Variants in SAMD7 observed in about 807,000 individuals in gnomAD.
SAMD7 encodes sterile alpha motif domain-containing protein 7.
A neutral mutation model predicts 36.7 loss-of-function variants in SAMD7; 34 were observed. The observed-to-expected ratio is 0.93, with a 90% CI of 0.71 to 1.23. The LOEUF is 1.23. Ranked by LOEUF, SAMD7 falls within the 50% of genes most tolerant of loss-of-function variation. SAMD7 has a pLI of 0.00. For missense variants in SAMD7, 570 were observed against 546.6 expected (o/e 1.04, Z -0.43); for synonymous variants, 188 against 189.7 (o/e 0.99, Z 0.07).
chr3:169,914,478 C>T (rs1461255085), intron 1 of SAMD7, among the ~76,000 whole-genome samples: 2 of 152,160 alleles, frequency 1.3e-5, no homozygotes, highest in Non-Finnish European at 2.9e-5. Flanking sequence ...GCTGCAGATG[C>T]CAATGACTCA....
intron 2 of SAMD7, among the ~76,000 whole-genome samples, chr3:169,915,673 C>T (rs1712767511): frequency 6.9e-6 from 1 of 144,764 alleles, no homozygotes; most frequent in Non-Finnish European, 1.5e-5. Context: ...CAACCTCTGC[C>T]TCCTGAGTTC....
At chr3:169,916,650 A>G (rs571299697) in intron 2 of SAMD7, among the ~76,000 whole-genome samples, 1 of 152,338 alleles carries the variant, frequency 6.6e-6, no homozygotes, top group East Asian at 1.9e-4. Flanking sequence ...TCTGTCTCAA[A>G]ACAAAACAAA....
At chr3:169,934,570 A>C (rs953963552) in intron 7 of SAMD7, among the ~76,000 whole-genome samples, 6 of 152,212 alleles carry the variant, frequency 3.9e-5, no homozygotes, top group African/African-American at 1.4e-4. Context: ...GCCGTCCCCC[A>C]GAAGTGACCA....
intron 7 of SAMD7, among the ~76,000 whole-genome samples, chr3:169,929,328 T>G (rs1258551062): frequency 6.6e-6 from 1 of 152,178 alleles, no homozygotes; most frequent in Non-Finnish European, 1.5e-5. Flanking sequence ...TAGTATCATT[T>G]TTGGTTTGCA....
chr3:169,933,369 G>T (rs1713594701), intron 7 of SAMD7: 1 of 305,424 alleles, frequency 3.3e-6, no homozygotes, highest in Non-Finnish European at 6.2e-6. Flanking sequence ...GGCCTTGGAT[G>T]TCTTTGGTGT....
Position 169,928,544 on chromosome 3 carries a change from T to G in SAMD7, c.1007T>G (p.Ile336Ser). 1 of 1,614,154 alleles carries G rather than the reference T, an allele frequency of 6.2e-7. No individual in the cohort carries two copies. Among genetic ancestry groups the G allele is most frequent in the Non-Finnish European group, 8.5e-7 (1 of 1,179,962 alleles). Residue 336 changes from isoleucine (I) to serine (S), a missense_variant, in exon 7 of 9, where the codon ATT becomes AGT. Physicochemically the swap from Ile to Ser is moderately radical, Grantham distance 142 (BLOSUM62 -2). Transcript: ENST00000335556. ...ACCGTGGATGATGTGCACAGCTTCA[T>G]TCGCAGCCTTCCAGGTTGTTCAGAC... ...KWTVDDVHSF[I>S]RSLPGCSDYA...
intron 1 of SAMD7, among the ~76,000 whole-genome samples, chr3:169,913,435 T>C (rs1026202869): frequency 1.3e-5 from 2 of 152,190 alleles, no homozygotes; most frequent in African/African-American, 4.8e-5. Context: ...GTTCATGAAG[T>C]TCATGTCTTA....
At chr3:169,937,290 T>G (rs1713753612) in intron 8 of SAMD7, among the ~76,000 whole-genome samples, 1 of 152,134 alleles carries the variant, frequency 6.6e-6, no homozygotes, top group Non-Finnish European at 1.5e-5. Flanking sequence ...ATGGGGTACA[T>G]GTGCAGGTTT....
At chr3:169,924,716 C>T (rs1046493143) in intron 4 of SAMD7, among the ~76,000 whole-genome samples, 13 of 152,048 alleles carry the variant, frequency 8.5e-5, no homozygotes, top group African/African-American at 3.1e-4. Context: ...CAAGTGGTAC[C>T]CAAAAAATAC....
rs1488168144 is a variant in SAMD7, at chr3:169,911,651, G to T, written c.-287G>T. The T allele has an allele frequency of 6.6e-6, 1 of 152,198 alleles. No homozygotes were observed. The highest frequency in any genetic ancestry group is 1.5e-5 in the Non-Finnish European group (1 of 68,024). 9.4% of individuals were successfully genotyped at this position (152,198 alleles called of 1,614,324 possible). A position where few individuals can be genotyped will look rare whatever the true frequency, so the allele number is the denominator to read the frequency against. On this transcript the variant is annotated 5_prime_UTR_variant, in exon 1 of 9. Coordinates refer to ENST00000335556, the MANE Select transcript of SAMD7 (RefSeq NM_001304366.2). The stretch of plus-strand genomic sequence containing the variant: ...TCATGAAATAGGACTAATCAACTTA[G>T]TTGAATTTGTATTTAAAGCAAGGTT...
In SAMD7 at chr3:169,911,980, A is replaced by C. The variant is rs144154722; in HGVS notation, c.-117+159A>C. On this transcript the variant is annotated intron_variant, in intron 1 of 8. Coordinates refer to ENST00000335556, the MANE Select transcript of SAMD7 (RefSeq NM_001304366.2). ...GCTATTACTAACAGTATGTGAGCTA[A>C]TAAATTCCTACTTGACTGAAGTTAC... Among the ~76,000 whole-genome samples, 727 of 152,344 alleles carry C rather than the reference A, an allele frequency of 4.8e-3. 4 individuals are homozygous for C. Among genetic ancestry groups the C allele is most frequent in the African/African-American group, 0.017 (688 of 41,582 alleles).
intron 4 of SAMD7, among the ~76,000 whole-genome samples, chr3:169,922,404 G>C (rs1192550693): frequency 6.6e-6 from 1 of 152,204 alleles, no homozygotes; most frequent in Non-Finnish European, 1.5e-5. Context: ...AAACCCAGGA[G>C]AGCATGGTGG....
At position 169,926,982 on chromosome 3, in the gene SAMD7, G is replaced by T. The variant is rs543334158; in HGVS notation, c.720G>T (p.Thr240=). ...EAPSNQKSSE[T]NEKPTTALAN... ...CCAGCAACCAGAAGTCAAGTGAAAC[G>T]AATGAAAAGCCAACGACAGCTCTTG... The change falls in exon 6 of 9, where the codon ACG becomes ACT. Residue 240 remains threonine (T), a synonymous_variant. Coordinates refer to ENST00000335556, the MANE Select transcript of SAMD7 (RefSeq NM_001304366.2). 1 of 1,613,758 alleles carries T rather than the reference G, an allele frequency of 6.2e-7. No individual in the cohort carries two copies. The highest frequency in any genetic ancestry group is 1.3e-5 in the African/African-American group (1 of 74,818).
intron 7 of SAMD7, among the ~76,000 whole-genome samples, chr3:169,928,897 C>T (rs771601352): frequency 7.9e-5 from 12 of 152,168 alleles, no homozygotes; most frequent in African/African-American, 1.4e-4. Context: ...TGGGAAATAA[C>T]GACTACATTC....
At chr3:169,917,482 G>A (rs1712856105) in intron 2 of SAMD7, among the ~76,000 whole-genome samples, 4 of 151,752 alleles carry the variant, frequency 2.6e-5, no homozygotes, top group South Asian at 4.2e-4. Context: ...ACTTACGGGG[G>A]CACATGAGAT....
intron 2 of SAMD7, among the ~76,000 whole-genome samples, chr3:169,916,560 A>G (rs1712811604): frequency 6.6e-6 from 1 of 152,190 alleles, no homozygotes; most frequent in African/African-American, 2.4e-5. Context: ...AGGCAGAAGA[A>G]TTGCTTGAAC....
intron 2 of SAMD7, among the ~76,000 whole-genome samples, chr3:169,917,317 A>G (rs1712848642): frequency 6.6e-6 from 1 of 152,242 alleles, no homozygotes; most frequent in African/African-American, 2.4e-5. Flanking sequence ...ACACAAGGAA[A>G]TAAAGGTCAC....
chr3:169,915,488 T>C (rs998939243), intron 2 of SAMD7, 47 bp downstream of exon 2: 1 of 151,296 alleles, frequency 6.6e-6, no homozygotes, highest in Non-Finnish European at 1.5e-5. Flanking sequence ...CAATTCTTGC[T>C]CCTCTCTTTC....
chr3:169,938,287 A>G, intron 8 of SAMD7, 31 bp from the exon 9 acceptor site: 1 of 1,465,064 alleles, frequency 6.8e-7, no homozygotes, highest in South Asian at 1.2e-5. Flanking sequence ...AATTCATAGA[A>G]TTGATTACTA....
Sources: gnomAD v4.1 joint callset for allele counts (sites outside exome capture counted in the v4.1 genomes callset) on GRCh38, gnomAD v4.1.1 for gene constraint, MANE v1.5 for transcripts, NCBI Gene and HGNC (gene_info 2026-07-23, HGNC 2026-07-21) for gene names.